Variants in ZNF536 observed in about 807,000 individuals in gnomAD.
ZNF536 encodes zinc finger protein 536.
Under a neutral mutation model 84.5 loss-of-function variants are expected in ZNF536, and 13 were observed. The ratio of observed to expected loss-of-function variants is 0.15; its 90% CI spans 0.10 to 0.24. ZNF536 has a LOEUF of 0.24. Ranked by LOEUF, ZNF536 falls within the 10% of genes least tolerant of loss-of-function variation. ZNF536 has a pLI of 1.00. For synonymous variants in ZNF536, 811 were observed against 742.5 expected, an observed-to-expected ratio of 1.09 and a Z score of -1.50; for missense variants, 1,536 against 1,747.5, an observed-to-expected ratio of 0.88 and a Z score of 2.16.
At chr19:30,408,828 A>G (rs2050368455) in intron 1 of ZNF536, among the ~76,000 whole-genome samples, 1 of 149,416 alleles carries the variant, frequency 6.7e-6, no homozygotes, top group South Asian at 2.1e-4. Flanking sequence ...ATTCTCTATC[A>G]TCCATCCATC....
chr19:30,623,203 C>T (rs1052514653), intron 1 of ZNF536, among the ~76,000 whole-genome samples: 1 of 152,062 alleles, frequency 6.6e-6, no homozygotes, highest in South Asian at 2.1e-4. Flanking sequence ...GAAAGAATAG[C>T]CTTTGCCATC....
intron 1 of ZNF536, among the ~76,000 whole-genome samples, chr19:30,399,086 C>T (rs1377605428): frequency 6.6e-6 from 1 of 152,136 alleles, no homozygotes; most frequent in Non-Finnish European, 1.5e-5. Context: ...GTGTTGTTTC[C>T]TGACTTTTTA....
chr19:30,379,932 G>A lies in ZNF536; in HGVS notation c.-3+7376G>A, dbSNP rs369129372. Among the ~76,000 whole-genome samples, 26 of 152,288 alleles carry A rather than the reference G, an allele frequency of 1.7e-4. No homozygotes were observed. The East Asian group carries it at 4.5e-3, about 26-fold the overall frequency. On this transcript the variant is annotated intron_variant, in intron 1 of 4. Transcript: ENST00000355537. ...CTGGGGAAGTCCTGGCGAAGGAGCT[G>A]AGGCTTTTGATCTGTGAATGAGAGA... is the stretch of plus-strand genomic sequence containing the variant.
At chr19:30,400,216 GT>G (rs1171787174) in intron 1 of ZNF536, among the ~76,000 whole-genome samples, 2 of 151,966 alleles carry the variant, frequency 1.3e-5, no homozygotes, top group Non-Finnish European at 2.9e-5. Context: ...GTGAACGTAA[GT>G]TTATTTTTCT....
At chr19:30,614,669 T>A (rs1168250795) in intron 1 of ZNF536, among the ~76,000 whole-genome samples, 1 of 152,004 alleles carries the variant, frequency 6.6e-6, no homozygotes, top group Non-Finnish European at 1.5e-5. Flanking sequence ...TTCATCTCAT[T>A]TGCCCATTTT....
intron 2 of ZNF536, among the ~76,000 whole-genome samples, chr19:30,296,738 T>TG (rs905506868): frequency 1.1e-4 from 17 of 152,292 alleles, no homozygotes; most frequent in African/African-American, 4.1e-4. Context: ...CTAATGTGCT[T>TG]GGGGCAGAGG....
chr19:30,523,235 A>G (rs1202821045), intron 2 of ZNF536, among the ~76,000 whole-genome samples: 1 of 152,186 alleles, frequency 6.6e-6, no homozygotes, highest in African/African-American at 2.4e-5. Flanking sequence ...CCCCCTCCCC[A>G]TGCCATCTTT....
At chr19:30,232,883 C>T (rs184127137) in intron 1 of ZNF536, among the ~76,000 whole-genome samples, 49 of 152,304 alleles carry the variant, frequency 3.2e-4, no homozygotes, top group Admixed American at 2.9e-3. Flanking sequence ...CTATGATAAT[C>T]AAAAATGTCT....
In ZNF536 at chr19:30,656,568, T is replaced by C. The variant is rs542709902; in HGVS notation, c.170-54189T>C. Reference sequence around the variant, plus strand: ...TGTACAACCGGAGCAGTGAGGTTAGTTCCTCTGCAGCACACTCTCCAGAGA... The same window carrying C: ...TGTACAACCGGAGCAGTGAGGTTAGCTCCTCTGCAGCACACTCTCCAGAGA... On this transcript the variant is annotated intron_variant, in intron 1 of 1. Transcript: ENST00000592773. Among the ~76,000 whole-genome samples, 15 of 152,302 alleles carry C rather than the reference T, an allele frequency of 9.8e-5. No individual in the cohort carries two copies. In the South Asian group the frequency reaches 1.7e-3, roughly 17 times the overall value.
chr19:30,326,484 A>T (rs2047028160), intron 2 of ZNF536, among the ~76,000 whole-genome samples: 1 of 152,212 alleles, frequency 6.6e-6, no homozygotes, highest in Non-Finnish European at 1.5e-5. Context: ...TCCTCCAGGC[A>T]GCCGGACAAG....
At chr19:30,399,958 G>A (rs1340384137) in intron 1 of ZNF536, among the ~76,000 whole-genome samples, 1 of 152,158 alleles carries the variant, frequency 6.6e-6, no homozygotes, top group African/African-American at 2.4e-5. Context: ...AAACTGCTGG[G>A]ATTACAGGCG....
chr19:30,631,107 A>T (rs373683715), intron 1 of ZNF536, among the ~76,000 whole-genome samples: 150 of 152,064 alleles, frequency 9.9e-4, no homozygotes, highest in African/African-American at 3.3e-3. Flanking sequence ...GCAGCCGGGC[A>T]CTCCCGACCG....
At chr19:30,660,912 T>C (rs1162973845) in intron 1 of ZNF536, among the ~76,000 whole-genome samples, 1 of 152,258 alleles carries the variant, frequency 6.6e-6, no homozygotes, top group Non-Finnish European at 1.5e-5. Flanking sequence ...GCCTCATACA[T>C]GCTCCGCAGC....
At chr19:30,621,093 C>T (rs1468961380) in intron 1 of ZNF536, among the ~76,000 whole-genome samples, 3 of 151,888 alleles carry the variant, frequency 2.0e-5, no homozygotes, top group East Asian at 1.9e-4. Flanking sequence ...TAGAATATCA[C>T]GTTTGTCTTT....
At chr19:30,517,906 G>A (rs1230690591) in intron 2 of ZNF536, among the ~76,000 whole-genome samples, 1 of 152,190 alleles carries the variant, frequency 6.6e-6, no homozygotes, top group East Asian at 1.9e-4. Context: ...ATTTGGGGGT[G>A]CAAACAGAAG....
chr19:30,615,633 T>A (rs2048267302), intron 1 of ZNF536, among the ~76,000 whole-genome samples: 1 of 152,178 alleles, frequency 6.6e-6, no homozygotes, highest in African/African-American at 2.4e-5. Context: ...TTTAAAATTA[T>A]ATTCCCCAGA....
At chr19:30,317,575 C>T (rs986629007) in intron 2 of ZNF536, among the ~76,000 whole-genome samples, 4 of 152,114 alleles carry the variant, frequency 2.6e-5, no homozygotes, top group African/African-American at 9.7e-5. Context: ...AGGCCATGTG[C>T]GTTTGAACCC....
chr19:30,710,492 A>G (rs2144785366), intron 1 of ZNF536, among the ~76,000 whole-genome samples: 1 of 152,320 alleles, frequency 6.6e-6, no homozygotes, highest in South Asian at 2.1e-4. Flanking sequence ...GTGAGATATA[A>G]TCGCACCACT....
chr19:30,347,773 T>A (rs1419259287), intron 2 of ZNF536, among the ~76,000 whole-genome samples: 1 of 152,166 alleles, frequency 6.6e-6, no homozygotes, highest in African/African-American at 2.4e-5. Flanking sequence ...AATAGGAATA[T>A]TCCTATCTCC....
Sources: allele counts gnomAD v4.1 joint callset (sites outside exome capture counted in the v4.1 genomes callset), GRCh38; gene constraint gnomAD v4.1.1; transcripts MANE v1.5; gene names NCBI Gene and HGNC (gene_info 2026-07-23, HGNC 2026-07-21).